CFAP65: variants seen among roughly 807,000 people sequenced by gnomAD.
The protein encoded by CFAP65 is cilia- and flagella-associated protein 65.
In CFAP65, 155 loss-of-function variants were observed where a neutral mutation model predicts 208.0. The ratio of observed to expected loss-of-function variants is 0.75; its 90% CI spans 0.65 to 0.85. CFAP65 has a LOEUF of 0.85. Ranked by LOEUF, CFAP65 falls within the 40% of genes least tolerant of loss-of-function variation. CFAP65 has a pLI of 0.00. For missense variants in CFAP65, 2,294 were observed against 2,451.3 expected (o/e 0.94, Z 1.36); for synonymous variants, 970 against 986.3 (o/e 0.98, Z 0.31).
In CFAP65 at chr2:219,013,548, A is replaced by G. The variant is rs753806769; in HGVS notation, c.3817T>C (p.Phe1273Leu). The G allele has an allele frequency of 7.5e-6, 12 of 1,601,710 alleles. No individual in the cohort carries two copies. The South Asian group carries it at 1.4e-4, about 18-fold the overall frequency. ...FIGTDHLPVL[F>L]KVSHGREILL... Reference sequence around the variant, plus strand: ...ATCTCCCGGCCATGGGACACCTTGAAGAGCACTGGGAGGTGATCAGTACCG... The same window carrying G: ...ATCTCCCGGCCATGGGACACCTTGAGGAGCACTGGGAGGTGATCAGTACCG... Residue 1273 changes from phenylalanine (F) to leucine (L), a missense_variant, in exon 23 of 35, where the codon TTC becomes CTC. By Grantham distance (22) the Phe-to-Leu change is conservative (BLOSUM62 0). Around this residue, in one of 2 missense-constraint regions of CFAP65, gnomAD observed 1,427 missense variants for 1,438.7 expected, o/e 0.99. Coordinates refer to ENST00000341552, the MANE Select transcript of CFAP65 (RefSeq NM_194302.4).
At chr2:219,028,035 G>T in intron 12 of CFAP65, 26 bp from the exon 13 acceptor site, 1 of 1,520,210 alleles carries the variant, frequency 6.6e-7, no homozygotes. Context: ...CAGGTGGATA[G>T]GGCTCAACTG....
rs1427447940 is a variant in CFAP65, at chr2:219,031,266, T to G, written c.855A>C (p.Pro285=). 1 of 1,613,798 alleles carries G rather than the reference T, an allele frequency of 6.2e-7. No homozygotes were observed. The change falls in exon 8 of 35, where the codon CCA becomes CCC. Residue 285 remains proline (P), a synonymous_variant. Coordinates refer to ENST00000341552, the MANE Select transcript of CFAP65 (RefSeq NM_194302.4). The surrounding 1 kb of genome is among the most constrained non-coding windows in gnomAD (Gnocchi z 5.2). The part of the protein sequence containing the change: ...PTFFTWEFSS[P]FQMLPATGLL... ...GCCCCGTGGCGGGCAGCATCTGGAA[T>G]GGGCTGGAGAACTCCCAGGTGAAGA...
rs549688549 is a variant in CFAP65 at position 219,010,337 on chromosome 2, G to A, written c.4308+209C>T. Among the ~76,000 whole-genome samples the A allele has an allele frequency of 9.9e-4, 150 of 152,228 alleles. 1 individual carries two copies. Among genetic ancestry groups the A allele is most frequent in the Non-Finnish European group, 1.3e-3 (89 of 68,006 alleles). On this transcript the variant is annotated intron_variant, in intron 26 of 34. Coordinates refer to ENST00000341552, the MANE Select transcript of CFAP65 (RefSeq NM_194302.4). ...GAGCGGCTTGAGCAGGAACACCTGT[G>A]GGCACTAGGTGGCAGGGTAGACCTC...
In CFAP65 at chr2:219,027,963, A is replaced by T. The variant is rs1234307577; in HGVS notation, c.1898T>A (p.Met633Lys). ...GGTGCCGTCGAAGAAGAACTCGGTC[A>T]TGGGGGGGATATAAGGGTACTGCGG... ...PAPQYPYIPP[M>K]TEFFFDGTSD... is the part of the protein sequence containing the mutation. The change falls in exon 13 of 35, where the codon ATG becomes AAG. Residue 633 changes from methionine (M) to lysine (K), a missense_variant. Physicochemically the swap from Met to Lys is moderately conservative, Grantham distance 95. Coordinates refer to ENST00000341552, the MANE Select transcript of CFAP65 (RefSeq NM_194302.4). 6.6e-7 allele frequency: 1 copy of T among 1,518,762 alleles called. No individual in the cohort carries two copies. 94.1% of individuals were successfully genotyped at this position (1,518,762 alleles called of 1,614,324 possible).
chr2:219,009,148 A>G lies in CFAP65; in HGVS notation c.4573T>C (p.Ser1525Pro), dbSNP rs1404547334. The G allele has an allele frequency of 6.2e-7, 1 of 1,612,562 alleles. No homozygotes were observed. Among genetic ancestry groups the G allele is most frequent in the South Asian group, 1.1e-5 (1 of 91,058 alleles). The change falls in exon 29 of 35, where the codon TCG (serine) becomes CCG (proline). Residue 1525 changes from serine (S) to proline (P), a missense_variant. By Grantham distance (74) the Ser-to-Pro change is moderately conservative (BLOSUM62 -1). Transcript: ENST00000341552. The part of the protein sequence containing the change: ...YSADLVCKLY[S>P]QQLMRQYHKE... ...TGATACTGCCTCATGAGCTGCTGCG[A>G]GTACAGCTATGGCCCAGGACAGAGA... is the stretch of plus-strand genomic sequence containing the variant.
At chr2:219,038,319 A>G in intron 4 of CFAP65, 56 bp downstream of exon 4, 3 of 1,553,182 alleles carry the variant, frequency 1.9e-6, no homozygotes, top group South Asian at 1.2e-5. Flanking sequence ...CCTGCCACCC[A>G]TGCCCCGCCC....
chr2:219,013,215 A>G, intron 24 of CFAP65, 44 bp downstream of exon 24: 2 of 1,327,210 alleles, frequency 1.5e-6, no homozygotes, highest in Non-Finnish European at 1.1e-6. Context: ...CTAGAGATCA[A>G]CACTTAGGCC....
chr2:219,024,212 G>A lies in CFAP65; in HGVS notation c.2398C>T (p.Leu800=), dbSNP rs1947463727. 9.9e-6 allele frequency: 16 copies of A among 1,613,870 alleles called. No individual in the cohort carries two copies. The highest frequency in any genetic ancestry group is 1.4e-5 in the Non-Finnish European group (16 of 1,180,024). Residue 800 remains leucine (L), a synonymous_variant, in exon 15 of 35, where the codon CTG becomes TTG. Transcript: ENST00000341552. ...SGEPTYRSLL[L]VNKDCKLLTF... The stretch of plus-strand genomic sequence containing the variant: ...AGCAGCTTGCAGTCTTTGTTGACCA[G>A]GAGCAGGCTGCGGTAGGTGGGCTCA...
At chr2:219,009,720 GTAGA>G (rs1946320296) in intron 27 of CFAP65, among the ~76,000 whole-genome samples, 1 of 61,726 alleles carries the variant, frequency 1.6e-5, no homozygotes, top group African/African-American at 8.0e-5. Context: ...GTGGGATGGA[GTAGA>G]ATGGGGTGGG....
At chr2:219,028,078 A>C (rs1358881038) in intron 12 of CFAP65, 69 bp from the exon 13 acceptor site, 1 of 1,533,330 alleles carries the variant, frequency 6.5e-7, no homozygotes, top group Non-Finnish European at 8.8e-7. Flanking sequence ...TCCTGGGTAC[A>C]CTCCTGTCTA....
chr2:219,033,815 G>T (rs911716830), intron 5 of CFAP65: 2 of 151,092 alleles, frequency 1.3e-5, no homozygotes, highest in Non-Finnish European at 2.9e-5. Context: ...AAGGTGTAAG[G>T]ACTAGAAAGA....
chr2:219,016,574 C>A (rs956678347), intron 21 of CFAP65, among the ~76,000 whole-genome samples: 1 of 152,014 alleles, frequency 6.6e-6, no homozygotes, highest in African/African-American at 2.4e-5. Context: ...AGATTACAGG[C>A]GTGAGCCACC....
rs1451807485 is a variant in CFAP65, at chr2:219,027,976, A to G, written c.1885T>C (p.Tyr629His). The change falls in exon 13 of 35, where the codon TAT becomes CAT. Residue 629 changes from tyrosine (Y) to histidine (H), a missense_variant. By Grantham distance (83) the Tyr-to-His change is moderately conservative. Coordinates refer to ENST00000341552, the MANE Select transcript of CFAP65 (RefSeq NM_194302.4). ...LEDMPAPQYP[Y>H]IPPMTEFFFD... ...AAGAACTCGGTCATGGGGGGGATAT[A>G]AGGGTACTGCGGGGCCGGCATGTCC... 6.6e-7 allele frequency: 1 copy of G among 1,519,514 alleles called. No homozygotes were observed. Among genetic ancestry groups the G allele is most frequent in the East Asian group, 2.3e-5 (1 of 44,050 alleles). 94.1% of individuals were successfully genotyped at this position (1,519,514 alleles called of 1,614,324 possible).
chr2:219,005,172 T>C lies in CFAP65; in HGVS notation c.5051+262A>G, dbSNP rs1049830193. Among the ~76,000 whole-genome samples the C allele has an allele frequency of 2.0e-5, 3 of 152,178 alleles. No homozygotes were observed. In the Middle Eastern group the frequency reaches 0.01, roughly 518 times the overall value. ...TCCAAAGTAACTGGGACTGCAGGCA[T>C]GCACCACCATGTCCAGCTAATTTTT... On this transcript the variant is annotated intron_variant, in intron 32 of 34. Transcript: ENST00000341552.
In CFAP65 at chr2:219,041,497, A is replaced by T; in HGVS notation, c.-58T>A. On this transcript the variant is annotated 5_prime_UTR_variant, in exon 1 of 35. It removes an upstream start codon present in the reference 5' UTR. Transcript: ENST00000341552. ...AACGCTCAGAACTTACATCGCCTCC[A>T]TATTGCCGTCTCCATAGATACAGGA... 6.4e-7 allele frequency: 1 copy of T among 1,550,586 alleles called. No individual in the cohort carries two copies.
Position 219,022,257 on chromosome 2 carries a change from C to T in CFAP65, c.2893G>A (p.Ala965Thr). Residue 965 changes from alanine (A) to threonine (T), a missense_variant, in exon 17 of 35, where the codon GCC becomes ACC. By Grantham distance (58) the Ala-to-Thr change is moderately conservative (BLOSUM62 0). Transcript: ENST00000341552. ...LFQVGMWVWE[A>T]GLSPNANPAA... ...GGGTTGGCATTTGGGGACAGGCCGG[C>T]TTCCCAGACCCACATCCCCACTTGG... The T allele has an allele frequency of 6.2e-7, 1 of 1,607,486 alleles. No homozygotes were observed. Among genetic ancestry groups the T allele is most frequent in the Non-Finnish European group, 8.5e-7 (1 of 1,177,234 alleles).
At chr2:219,011,149 A>T (rs1247929947) in intron 24 of CFAP65, among the ~76,000 whole-genome samples, 153 bp from the exon 25 acceptor site, 1 of 152,152 alleles carries the variant, frequency 6.6e-6, no homozygotes, top group African/African-American at 2.4e-5. Flanking sequence ...TCACTCGAGA[A>T]GTATGTAACT....
intron 14 of CFAP65, 35 bp downstream of exon 14, chr2:219,025,985 CCT>C: frequency 6.2e-7 from 1 of 1,607,848 alleles, no homozygotes; most frequent in Non-Finnish European, 8.5e-7. Flanking sequence ...CTAGGGCTCC[CCT>C]GTCTCCCTCC....
At position 219,004,832 on chromosome 2, in the gene CFAP65, G is replaced by GGGT. The variant is rs1315780921; in HGVS notation, c.5052-378_5052-377insACC. 2.9e-3 allele frequency among the ~76,000 whole-genome samples: 387 copies of GGGT among 133,848 alleles called. 2 individuals are homozygous for GGGT. The highest frequency in any genetic ancestry group is 0.012 in the African/African-American group (367 of 29,914). 87.8% of individuals were successfully genotyped at this position (133,848 alleles called of 152,430 possible). On this transcript the variant is annotated intron_variant, in intron 32 of 34. Transcript: ENST00000341552. The surrounding 1 kb of genome is among the most constrained non-coding windows in gnomAD (Gnocchi z 4.7). ...CCACTGTCCTGGGGTGGGGGGGCCG[G>GGGT]GGGGGGGGACCGTGGTGGGATCTTG...
Sources: allele counts gnomAD v4.1 joint callset (sites outside exome capture counted in the v4.1 genomes callset), GRCh38; gene constraint gnomAD v4.1.1; regional missense constraint gnomAD v4.1.1; non-coding constraint Gnocchi (gnomAD v3.1); transcripts MANE v1.5; gene names NCBI Gene and HGNC (gene_info 2026-07-23, HGNC 2026-07-21).